KIF24: variants seen among roughly 807,000 people sequenced by gnomAD.
The protein encoded by KIF24 is kinesin-like protein KIF24.
KIF24 carries 81 observed loss-of-function variants against 118.9 expected under a neutral mutation model. The ratio of observed to expected loss-of-function variants is 0.68; its 90% CI spans 0.57 to 0.82. The LOEUF is 0.82. KIF24 is among the 40% of genes least tolerant of loss of function. The pLI is 0.00. For synonymous variants in KIF24, 599 were observed against 610.0 expected (o/e 0.98, Z 0.27); for missense variants, 1,560 against 1,661.6 (o/e 0.94, Z 1.06).
At chr9:34,309,457 C>T (rs531837264) in intron 2 of KIF24, among the ~76,000 whole-genome samples, 69 of 147,332 alleles carry the variant, frequency 4.7e-4, no homozygotes, top group African/African-American at 1.4e-3. Context: ...AGGAGAATGG[C>T]ATGAACCCGG....
intron 3 of KIF24, among the ~76,000 whole-genome samples, chr9:34,302,977 T>C (rs1350224611): frequency 1.3e-5 from 2 of 151,786 alleles, no homozygotes; most frequent in Non-Finnish European, 2.9e-5. Context: ...AGTTTCACCG[T>C]GTTAGCCAGG....
intron 1 of KIF24, among the ~76,000 whole-genome samples, chr9:34,311,707 TACGTATATATGTATATAC>T (rs1258402933): frequency 2.1e-5 from 3 of 146,250 alleles, no homozygotes; most frequent in Admixed American, 7.1e-5. Flanking sequence ...TGTACATATA[TACGTATATATGTATATAC>T]ACGTATATAT....
Position 34,320,609 on chromosome 9 carries a change from G to A in KIF24, c.-26+8497C>T, listed in dbSNP as rs1417472919. ...GGAGGCGGAGGTTGCAGTGAGCCAA[G>A]ATTGCACCACTGCACTTCAGCCTGG... On this transcript the variant is annotated intron_variant, in intron 1 of 12. Coordinates refer to ENST00000402558, the MANE Select transcript of KIF24 (RefSeq NM_194313.4). 3.5e-5 allele frequency among the ~76,000 whole-genome samples: 4 copies of A among 115,216 alleles called. No homozygotes were observed. The Admixed American group carries it at 5.2e-4, about 15-fold the overall frequency. 75.6% of individuals were successfully genotyped at this position (115,216 alleles called of 152,430 possible).
chr9:34,262,694 A>G lies in KIF24; in HGVS notation c.1515+407T>C, dbSNP rs1310419906. Reference sequence around the variant, plus strand: ...AAAAAAAATATATATATATATATATATATATATATATATATATATGGCCAG... The same window carrying G: ...AAAAAAAATATATATATATATATATGTATATATATATATATATATGGCCAG... On this transcript the variant is annotated intron_variant, in intron 9 of 12. Coordinates refer to ENST00000402558, the MANE Select transcript of KIF24 (RefSeq NM_194313.4). 2.5e-3 allele frequency among the ~76,000 whole-genome samples: 129 copies of G among 51,524 alleles called. 7 individuals carry two copies. Among genetic ancestry groups the G allele is most frequent in the Non-Finnish European group, 3.7e-3 (98 of 26,320 alleles). 33.8% of individuals were successfully genotyped at this position (51,524 alleles called of 152,430 possible).
intron 3 of KIF24, among the ~76,000 whole-genome samples, chr9:34,304,127 A>G (rs1836827855): frequency 6.6e-6 from 1 of 152,230 alleles, no homozygotes; most frequent in South Asian, 2.1e-4. Flanking sequence ...TTAATAAAAC[A>G]AACACAAAAA....
At chr9:34,298,480 A>C (rs1018891112) in intron 3 of KIF24, among the ~76,000 whole-genome samples, 1 of 151,502 alleles carries the variant, frequency 6.6e-6, no homozygotes, top group Non-Finnish European at 1.5e-5. Context: ...CGGGAGGCAG[A>C]GGTTGCAGTG....
upstream of KIF24, chr9:34,329,607 C>G (rs16924260): frequency 0.15 from 22,668 of 152,264 alleles, 2,041 homozygotes; most frequent in South Asian, 0.31. Context: ...CGGGTGAGTA[C>G]CCTTAAGGGC....
intron 3 of KIF24, among the ~76,000 whole-genome samples, chr9:34,298,329 T>C (rs1836564837): frequency 6.6e-6 from 1 of 152,122 alleles, no homozygotes; most frequent in Non-Finnish European, 1.5e-5. Context: ...GTGGATCACC[T>C]GAGGTCAGGA....
Position 34,310,746 on chromosome 9 carries a change from CAT to C in KIF24, c.599_600del (p.Tyr200TrpfsTer20). 3.8e-6 allele frequency: 6 copies of C among 1,595,736 alleles called. No individual in the cohort carries two copies. Among genetic ancestry groups the C allele is most frequent in the Non-Finnish European group, 5.1e-6 (6 of 1,172,660 alleles). The stretch of plus-strand genomic sequence containing the variant: ...TACCTGATACAAGAATGAGGGATTC[CAT>C]AGTTATACCCTGAAACATGAGAGAT... The part of the protein sequence containing the change: ...QRISHVSGYN[Y>X]GIPHSCIRQN... On this transcript the variant is annotated frameshift_variant, in exon 2 of 13. Transcript: ENST00000402558. LOFTEE classifies it high-confidence loss of function.
At chr9:34,289,389 C>T (rs547774617) in intron 5 of KIF24, among the ~76,000 whole-genome samples, 13 of 152,244 alleles carry the variant, frequency 8.5e-5, no homozygotes, top group East Asian at 3.9e-4. Context: ...CCTTTGTTGC[C>T]GGGCTAGTCT....
intron 2 of KIF24, among the ~76,000 whole-genome samples, chr9:34,309,994 A>C (rs950548): frequency 0.47 from 71,022 of 150,274 alleles, 19,724 homozygotes; most frequent in South Asian, 0.64. Context: ...TACAAGATTA[A>C]AAGAACATAT....
chr9:34,320,332 C>CAAAAAAAAAAAA (rs66835823), intron 1 of KIF24, among the ~76,000 whole-genome samples: 2 of 106,328 alleles, frequency 1.9e-5, no homozygotes, highest in Non-Finnish European at 3.7e-5. Context: ...AATGTTCCAA[C>CAAAAAAAAAAAA]AAAAAAAAAA....
At chr9:34,293,784 T>C (rs764183825) in intron 4 of KIF24, among the ~76,000 whole-genome samples, 3 of 151,980 alleles carry the variant, frequency 2.0e-5, no homozygotes, top group East Asian at 1.9e-4. Flanking sequence ...AAAAAGAACA[T>C]GAAAAGAAGC....
chr9:34,277,336 C>T (rs1273774979), intron 6 of KIF24, among the ~76,000 whole-genome samples: 1 of 152,136 alleles, frequency 6.6e-6, no homozygotes, highest in South Asian at 2.1e-4. Context: ...TATACAAGGT[C>T]ACATAGGTAG....
In KIF24 at chr9:34,255,854, G is replaced by C. The variant is rs138090899; in HGVS notation, c.3753C>G (p.Val1251=). ...AGATCGGCCTGGGTTTGAGCCATGT[G>C]ACATTTTCACTGTTGCAGGGCAACT... ...PIKLPCNSEN[V]TWLKPRPISR... is the part of the protein sequence containing the mutation. Residue 1251 remains valine (V), a synonymous_variant, in exon 11 of 13, where the codon GTC becomes GTG. Coordinates refer to ENST00000402558, the MANE Select transcript of KIF24 (RefSeq NM_194313.4). 1.7e-4 allele frequency: 282 copies of C among 1,614,026 alleles called. No homozygotes were observed. Among genetic ancestry groups the C allele is most frequent in the South Asian group, 2.3e-4 (21 of 91,078 alleles).
At chr9:34,306,682 A>C (rs1048663042) in intron 2 of KIF24, among the ~76,000 whole-genome samples, 1 of 152,076 alleles carries the variant, frequency 6.6e-6, no homozygotes, top group Non-Finnish European at 1.5e-5. Flanking sequence ...TGCGCCTGTA[A>C]TCCCAGCTAC....
chr9:34,323,055 G>C (rs1261646513), intron 1 of KIF24, among the ~76,000 whole-genome samples: 1 of 151,804 alleles, frequency 6.6e-6, no homozygotes, highest in African/African-American at 2.4e-5. Context: ...CAAACTCTAG[G>C]GATTCTTCTA....
chr9:34,259,808 A>G (rs1834989830), intron 9 of KIF24, 103 bp from the exon 10 acceptor site: 1 of 709,064 alleles, frequency 1.4e-6, no homozygotes, highest in Non-Finnish European at 2.5e-6. Flanking sequence ...CCTTCTGTCC[A>G]CAAAAAGGTA....
At chr9:34,275,069 T>C (rs1473238068) in intron 6 of KIF24, among the ~76,000 whole-genome samples, 1 of 152,140 alleles carries the variant, frequency 6.6e-6, no homozygotes, top group Non-Finnish European at 1.5e-5. Flanking sequence ...AGACCTACTA[T>C]TTGACAATAC....
Sources: allele counts gnomAD v4.1 joint callset (sites outside exome capture counted in the v4.1 genomes callset), GRCh38; gene constraint gnomAD v4.1.1; transcripts MANE v1.5; gene names NCBI Gene and HGNC (gene_info 2026-07-23, HGNC 2026-07-21).